Variants in PANK4 observed in about 807,000 individuals in gnomAD.
The protein encoded by PANK4 is 4'-phosphopantetheine phosphatase.
A neutral mutation model predicts 87.9 loss-of-function variants in PANK4; 40 were observed. That is an observed-to-expected ratio of 0.46 (90% CI 0.35 to 0.59). The LOEUF is 0.59. Ranked by LOEUF, PANK4 falls within the 20% of genes least tolerant of loss-of-function variation. The pLI is 0.00. For synonymous variants in PANK4, 524 were observed against 467.4 expected (o/e 1.12, Z -1.56); for missense variants, 926 against 1,072.3 (o/e 0.86, Z 1.90).
Position 2,520,910 on chromosome 1 carries a change from A to G in PANK4, c.423-4T>C. On this transcript the variant is annotated splice_region_variant and splice_polypyrimidine_tract_variant and intron_variant, in intron 3 of 18. Transcript: ENST00000378466. This position sits in a 1 kb window ranked among gnomAD's most constrained non-coding sequence, Gnocchi z 6.2. The stretch of plus-strand genomic sequence containing the variant: ...CATCACGTCCTCCTTGTCGACTCTG[A>G]AAAGGAAGCGCCAACCCCTTAAAGA... 6.5e-7 allele frequency: 1 copy of G among 1,544,380 alleles called. No homozygotes were observed. Among genetic ancestry groups the G allele is most frequent in the Non-Finnish European group, 8.7e-7 (1 of 1,147,324 alleles).
Position 2,515,885 on chromosome 1 carries a change from G to A in PANK4, c.1219-168C>T. The A allele has an allele frequency of 1.5e-5, 10 of 682,810 alleles. No individual in the cohort carries two copies. The highest frequency in any genetic ancestry group is 5.6e-5 in the Admixed American group (2 of 35,968). 42.3% of individuals were successfully genotyped at this position (682,810 alleles called of 1,614,324 possible). A position where few individuals can be genotyped will look rare whatever the true frequency, so the allele number is the denominator to read the frequency against. On this transcript the variant is annotated intron_variant, in intron 9 of 18. Coordinates refer to ENST00000378466, the MANE Select transcript of PANK4 (RefSeq NM_018216.4). This position sits in a 1 kb window ranked among gnomAD's most constrained non-coding sequence, Gnocchi z 5.0. Reference sequence around the variant, plus strand: ...CACTGGGCCCCCTCAGCTGCCCGGCGGCCTGAGCCGGATACCTTGACTTAC... The same window carrying A: ...CACTGGGCCCCCTCAGCTGCCCGGCAGCCTGAGCCGGATACCTTGACTTAC...
intron 10 of PANK4, among the ~76,000 whole-genome samples, chr1:2,514,838 G>C (rs1643738302): frequency 6.6e-6 from 1 of 152,048 alleles, no homozygotes; most frequent in African/African-American, 2.4e-5. Flanking sequence ...GTTGCCCTGG[G>C]AGGCAGGAGC....
In PANK4 at chr1:2,520,703, T is replaced by C. The variant is rs1185266761; in HGVS notation, c.606+20A>G. The C allele has an allele frequency of 6.2e-7, 1 of 1,605,110 alleles. No homozygotes were observed. Among genetic ancestry groups the C allele is most frequent in the Non-Finnish European group, 8.5e-7 (1 of 1,173,896 alleles). ...TATGGCTAAACCATCCACTCATTCA[T>C]TCATGAAGCCGGGTCTTACCTTCAC... On this transcript the variant is annotated intron_variant, in intron 4 of 18. Transcript: ENST00000378466. This position sits in a 1 kb window ranked among gnomAD's most constrained non-coding sequence, Gnocchi z 6.2.
At position 2,517,266 on chromosome 1, in the gene PANK4, C is replaced by T. The variant is rs117868291; in HGVS notation, c.1218+898G>A. ...CCAGTGTGGTGCGTCTGTGCGAGGC[C>T]GTGGCCTGGTGTGAACTGCAGGACC... On this transcript the variant is annotated intron_variant, in intron 9 of 18. Coordinates refer to ENST00000378466, the MANE Select transcript of PANK4 (RefSeq NM_018216.4). 3.2e-4 allele frequency among the ~76,000 whole-genome samples: 49 copies of T among 152,324 alleles called. 1 individual carries two copies. The East Asian group carries it at 8.5e-3, about 26-fold the overall frequency.
chr1:2,515,063 C>G lies in PANK4; in HGVS notation c.1374+499G>C, dbSNP rs1271411664. ...TGAAGAGTGCGTGTTGCTACCGGGG[C>G]TCCCTGGCCCCGAGCTGAGCTCCTG... is the stretch of plus-strand genomic sequence containing the variant. On this transcript the variant is annotated intron_variant, in intron 10 of 18. Transcript: ENST00000378466. The surrounding 1 kb of genome is among the most constrained non-coding windows in gnomAD (Gnocchi z 5.0). Among the ~76,000 whole-genome samples the G allele has an allele frequency of 6.6e-6, 1 of 152,192 alleles. No individual in the cohort carries two copies. Among genetic ancestry groups the G allele is most frequent in the Non-Finnish European group, 1.5e-5 (1 of 68,020 alleles).
At chr1:2,517,444 G>A (rs566771239) in intron 9 of PANK4, among the ~76,000 whole-genome samples, 48 of 152,362 alleles carry the variant, frequency 3.2e-4, no homozygotes, top group African/African-American at 1.1e-3. Context: ...AGCTTTGTGC[G>A]TGACCTCAGG....
intron 12 of PANK4, among the ~76,000 whole-genome samples, chr1:2,513,741 T>G (rs1643706898): frequency 6.6e-6 from 1 of 152,100 alleles, no homozygotes; most frequent in South Asian, 2.1e-4. Context: ...CAAACTGGGG[T>G]TCACACCCTT....
chr1:2,512,967 A>G lies in PANK4; in HGVS notation c.1648T>C (p.Trp550Arg). The G allele has an allele frequency of 6.2e-7, 1 of 1,612,448 alleles. No individual in the cohort carries two copies. The highest frequency in any genetic ancestry group is 8.5e-7 in the Non-Finnish European group (1 of 1,179,654). ...GVVRSLDALG[W>R]EERQLALVKG... ...ACCAGCGCCAGCTGCCGTTCCTCCC[A>G]GCCCAGCGCGTCCAGGGAGCGCACG... is the stretch of plus-strand genomic sequence containing the variant. The change falls in exon 13 of 19, where the codon TGG becomes CGG. Residue 550 changes from tryptophan to arginine, a missense_variant. By Grantham distance (101) the Trp-to-Arg change is moderately radical. Coordinates refer to ENST00000378466, the MANE Select transcript of PANK4 (RefSeq NM_018216.4).
At position 2,515,613 on chromosome 1, in the gene PANK4, G is replaced by A. The variant is rs767306518; in HGVS notation, c.1323C>T (p.Asp441=). The A allele has an allele frequency of 2.4e-5, 38 of 1,613,220 alleles. No homozygotes were observed. Among genetic ancestry groups the A allele is most frequent in the Middle Eastern group, 1.7e-4 (1 of 6,030 alleles). Residue 441 remains aspartate (D), a synonymous_variant, in exon 10 of 19, where the codon GAC becomes GAT. Transcript: ENST00000378466. The surrounding 1 kb of genome is among the most constrained non-coding windows in gnomAD (Gnocchi z 5.0). ...YVPDTVDLTD[D]ALARKYWLTC... is the part of the protein sequence containing the mutation. Reference sequence around the variant, plus strand: ...TGAGCCAGTATTTTCGGGCCAGAGCGTCATCGGTGAGGTCCACCGTGTCGG... The same window carrying A: ...TGAGCCAGTATTTTCGGGCCAGAGCATCATCGGTGAGGTCCACCGTGTCGG...
chr1:2,508,775 G>T lies in PANK4; in HGVS notation c.*72C>A. ...ACCATATAAATACGTTGATTTGAAC[G>T]CAGTTTCCCTGTGGTGGTAAAAACA... On this transcript the variant is annotated 3_prime_UTR_variant, in exon 19 of 19. Transcript: ENST00000378466. The surrounding 1 kb of genome is among the most constrained non-coding windows in gnomAD (Gnocchi z 5.1). 1.1e-6 allele frequency: 1 copy of T among 896,248 alleles called. No homozygotes were observed. Among genetic ancestry groups the T allele is most frequent in the African/African-American group, 1.7e-5 (1 of 60,574 alleles). The allele number at this position is 896,248 out of a possible 1,614,324, so 55.5% of individuals were successfully genotyped here.
intron 1 of PANK4, 48 bp from the exon 2 acceptor site, chr1:2,521,848 G>A (rs1462621197): frequency 7.6e-6 from 11 of 1,442,802 alleles, no homozygotes; most frequent in Admixed American, 3.3e-5. Flanking sequence ...AGGACACAGC[G>A]GGGCCTGGGG....
At position 2,520,480 on chromosome 1, in the gene PANK4, C is replaced by A; in HGVS notation, c.607-66G>T. On this transcript the variant is annotated intron_variant, in intron 4 of 18. Transcript: ENST00000378466. The surrounding 1 kb of genome is among the most constrained non-coding windows in gnomAD (Gnocchi z 6.2). ...CAGCCACACAGGCTCCCCCGCCCCC[C>A]GCCCCATGTGCTGCGCTGGGGTGAA... The A allele has an allele frequency of 2.2e-6, 3 of 1,372,428 alleles. No individual in the cohort carries two copies. Among genetic ancestry groups the A allele is most frequent in the Non-Finnish European group, 2.0e-6 (2 of 980,484 alleles). The allele number at this position is 1,372,428 out of a possible 1,614,324, so 85.0% of individuals were successfully genotyped here.
At chr1:2,523,273 C>T (rs1296792305) in intron 1 of PANK4, among the ~76,000 whole-genome samples, 3 of 152,092 alleles carry the variant, frequency 2.0e-5, no homozygotes, top group South Asian at 2.1e-4. Flanking sequence ...CGACGGCTGG[C>T]GTACAGTCTG....
chr1:2,526,416 G>T (rs780249112), intron 1 of PANK4, 48 bp downstream of exon 1: 84 of 991,072 alleles, frequency 8.5e-5, no homozygotes, highest in Non-Finnish European at 9.9e-5. Flanking sequence ...CACCGCCGGC[G>T]CCCCGCCCGC....
intron 1 of PANK4, among the ~76,000 whole-genome samples, chr1:2,522,236 C>A (rs1179138347): frequency 6.6e-6 from 1 of 152,222 alleles, no homozygotes; most frequent in African/African-American, 2.4e-5. Flanking sequence ...TCCCTGCTTA[C>A]AAAGGAGGCT....
intron 12 of PANK4, among the ~76,000 whole-genome samples, chr1:2,513,553 C>T (rs1049293392): frequency 3.9e-5 from 6 of 152,204 alleles, no homozygotes; most frequent in African/African-American, 7.2e-5. Flanking sequence ...TGCACGTTGC[C>T]GGGATAGGAG....
intron 1 of PANK4, 49 bp from the exon 2 acceptor site, chr1:2,521,849 G>C: frequency 7.0e-7 from 1 of 1,420,316 alleles, no homozygotes; most frequent in South Asian, 1.1e-5. Context: ...GGACACAGCG[G>C]GGCCTGGGGG....
intron 1 of PANK4, 125 bp from the exon 2 acceptor site, chr1:2,521,925 A>C: frequency 1.4e-6 from 1 of 727,558 alleles, no homozygotes; most frequent in East Asian, 2.5e-5. Flanking sequence ...GTTTGGGGCT[A>C]CTGGAACTTA....
At chr1:2,521,512 C>A in intron 2 of PANK4, 197 bp from the exon 3 acceptor site, 1 of 690,814 alleles carries the variant, frequency 1.4e-6, no homozygotes, top group Non-Finnish European at 2.6e-6. Flanking sequence ...GGAAGCCTCT[C>A]CCGGGGGAGC....
Sources: gnomAD v4.1 joint callset for allele counts (sites outside exome capture counted in the v4.1 genomes callset) on GRCh38, gnomAD v4.1.1 for gene constraint, Gnocchi (gnomAD v3.1) non-coding constraint, MANE v1.5 for transcripts, NCBI Gene and HGNC (gene_info 2026-07-23, HGNC 2026-07-21) for gene names.